PTPRR: variants seen among roughly 807,000 people sequenced by gnomAD.
PTPRR encodes receptor-type tyrosine-protein phosphatase R.
PTPRR carries 38 observed loss-of-function variants against 77.2 expected under a neutral mutation model. That is an observed-to-expected ratio of 0.49 (90% CI 0.38 to 0.65). The LOEUF is 0.65. PTPRR is among the 30% of genes least tolerant of loss of function. The pLI is 0.00. For synonymous variants in PTPRR, 299 were observed against 283.1 expected (o/e 1.06, Z -0.57); for missense variants, 744 against 799.2 (o/e 0.93, Z 0.83).
At chr12:70,677,230 G>A (rs61930342) in intron 10 of PTPRR, among the ~76,000 whole-genome samples, 2,780 of 152,158 alleles carry the variant, frequency 0.018, 59 homozygotes, top group South Asian at 0.11. Context: ...CTCACCATTA[G>A]CATATACAAA....
At chr12:70,668,251 G>A (rs547964071) in intron 10 of PTPRR, among the ~76,000 whole-genome samples, 2 of 147,976 alleles carry the variant, frequency 1.4e-5, no homozygotes, top group South Asian at 4.4e-4. Flanking sequence ...AAGAGGAGGA[G>A]GAGGATAAGG....
chr12:70,735,538 G>T (rs1456191926), intron 6 of PTPRR, among the ~76,000 whole-genome samples: 1 of 152,124 alleles, frequency 6.6e-6, no homozygotes, highest in Non-Finnish European at 1.5e-5. Flanking sequence ...TGACATGTGG[G>T]GATTATGGGA....
At chr12:70,862,935 A>C (rs911068571) in intron 2 of PTPRR, among the ~76,000 whole-genome samples, 17 of 152,166 alleles carry the variant, frequency 1.1e-4, no homozygotes, top group Admixed American at 1.1e-3. Flanking sequence ...AATCTAAAGC[A>C]TGTCCAAGTT....
chr12:70,870,009 T>G (rs1892933226), intron 2 of PTPRR, among the ~76,000 whole-genome samples: 2 of 152,156 alleles, frequency 1.3e-5, no homozygotes, highest in Non-Finnish European at 2.9e-5. Context: ...GAGAGAAGGC[T>G]GTGGGAGGGG....
At chr12:70,752,214 T>C (rs916684586) in intron 5 of PTPRR, among the ~76,000 whole-genome samples, 3 of 152,182 alleles carry the variant, frequency 2.0e-5, no homozygotes, top group African/African-American at 4.8e-5. Context: ...CAGCAACAAA[T>C]AGACCCGCAG....
chr12:70,707,894 T>C (rs1355703), intron 6 of PTPRR, among the ~76,000 whole-genome samples: 117,736 of 151,904 alleles, frequency 0.78, 48,325 homozygotes, highest in East Asian at 1. Context: ...TGATAAAACC[T>C]GCAAGTAGCT....
At chr12:70,746,829 C>T (rs1890228479) in intron 5 of PTPRR, among the ~76,000 whole-genome samples, 1 of 151,760 alleles carries the variant, frequency 6.6e-6, no homozygotes, top group Non-Finnish European at 1.5e-5. Flanking sequence ...ACTAGAAATG[C>T]ATATTAAACA....
chr12:70,774,308 G>A (rs1038234649), intron 2 of PTPRR, among the ~76,000 whole-genome samples: 1 of 152,212 alleles, frequency 6.6e-6, no homozygotes, highest in Admixed American at 6.5e-5. Flanking sequence ...CCTCAAGGGG[G>A]TTGTGTACAC....
intron 2 of PTPRR, among the ~76,000 whole-genome samples, chr12:70,808,812 A>G (rs1891757472): frequency 6.6e-6 from 1 of 152,052 alleles, no homozygotes; most frequent in African/African-American, 2.4e-5. Flanking sequence ...TTGCCTTTCC[A>G]TTGTTTATTC....
At chr12:70,691,556 C>T (rs556911758) in intron 8 of PTPRR, among the ~76,000 whole-genome samples, 13 of 152,220 alleles carry the variant, frequency 8.5e-5, no homozygotes, top group South Asian at 2.1e-4. Context: ...CAGACCAGCC[C>T]GGTCTCCTCA....
At chr12:70,830,504 T>C (rs1417052718) in intron 2 of PTPRR, among the ~76,000 whole-genome samples, 1 of 152,258 alleles carries the variant, frequency 6.6e-6, no homozygotes, top group South Asian at 2.1e-4. Context: ...CACTACCGTT[T>C]TGTGACCAAA....
At chr12:70,762,294 T>TAC (rs147039273) in intron 3 of PTPRR, among the ~76,000 whole-genome samples, 11,914 of 149,380 alleles carry the variant, frequency 0.08, 514 homozygotes, top group African/African-American at 0.11. Flanking sequence ...TACACACACA[T>TAC]ACACACACAC....
chr12:70,735,655 G>A (rs1242413954), intron 6 of PTPRR, among the ~76,000 whole-genome samples: 5 of 152,154 alleles, frequency 3.3e-5, no homozygotes, highest in South Asian at 2.1e-4. Context: ...TGGTAGTTAC[G>A]TGCAGATTTT....
At chr12:70,700,084 T>C (rs1888364595) in intron 7 of PTPRR, among the ~76,000 whole-genome samples, 1 of 152,222 alleles carries the variant, frequency 6.6e-6, no homozygotes, top group Non-Finnish European at 1.5e-5. Flanking sequence ...TCTCATTTTC[T>C]TCACATGTAA....
Position 70,887,373 on chromosome 12 carries a change from A to ATTGCTTGAT in PTPRR, c.357+5305_357+5306insATCAAGCAA, listed in dbSNP as rs1893257875. On this transcript the variant is annotated intron_variant, in intron 2 of 13. Transcript: ENST00000283228. ...AGGCTGAGGCAGGAGAATTGCTTGA[A>ATTGCTTGAT]CCCAGGAGGCGAAGGTTGCAGTCAG... 3.3e-5 allele frequency among the ~76,000 whole-genome samples: 5 copies of ATTGCTTGAT among 152,010 alleles called. No individual in the cohort carries two copies. In the South Asian group the frequency reaches 1.0e-3, roughly 32 times the overall value.
chr12:70,656,734 A>C lies in PTPRR; in HGVS notation c.1850T>G (p.Leu617Arg). 1 of 1,613,966 alleles carries C rather than the reference A, an allele frequency of 6.2e-7. No homozygotes were observed. Among genetic ancestry groups the C allele is most frequent in the Non-Finnish European group, 8.5e-7 (1 of 1,179,874 alleles). Residue 617 changes from leucine to arginine, a missense_variant, in exon 13 of 14, where the codon CTA becomes CGA. By Grantham distance (102) the Leu-to-Arg change is moderately radical. Around this residue, in one of 3 missense-constraint regions of PTPRR, gnomAD observed 170 missense variants for 209.8 expected, o/e 0.81. Coordinates refer to ENST00000283228, the MANE Select transcript of PTPRR (RefSeq NM_002849.4). ...QLKEEGVVDALSIVCQLRMDR... is the reference protein window; with the variant it reads ...QLKEEGVVDARSIVCQLRMDR... ...CATACGAAGCTGGCAGACAATGCTTAGTGCATCCACAACTCCTTCTTCTTT... is the reference window on the plus strand; with the variant it reads ...CATACGAAGCTGGCAGACAATGCTTCGTGCATCCACAACTCCTTCTTCTTT...
chr12:70,646,917 TA>T (rs771645265), intron 13 of PTPRR, among the ~76,000 whole-genome samples: 7 of 151,986 alleles, frequency 4.6e-5, no homozygotes, highest in Non-Finnish European at 8.8e-5. Flanking sequence ...ATTGATGGCA[TA>T]TATATTCTTC....
At chr12:70,684,053 A>G in intron 10 of PTPRR, 74 bp downstream of exon 10, 1 of 1,499,626 alleles carries the variant, frequency 6.7e-7, no homozygotes, top group Non-Finnish European at 9.0e-7. Flanking sequence ...AGTCCATGGC[A>G]ATTTTACTAA....
At position 70,701,847 on chromosome 12, in the gene PTPRR, C is replaced by A. The variant is rs990360515; in HGVS notation, c.1008-524G>T. Among the ~76,000 whole-genome samples, 11 of 151,948 alleles carry A rather than the reference C, an allele frequency of 7.2e-5. 1 individual carries two copies. The highest frequency in any genetic ancestry group is 2.2e-4 in the African/African-American group (9 of 41,364). ...AAGTAGCTGGATGTGGTGACCCACACTTGTAGTCTCAGCTACTAGGGAGGC... is the reference window on the plus strand; with the variant it reads ...AAGTAGCTGGATGTGGTGACCCACAATTGTAGTCTCAGCTACTAGGGAGGC... On this transcript the variant is annotated intron_variant, in intron 6 of 13. Transcript: ENST00000283228.
Sources: gnomAD v4.1 joint callset for allele counts (sites outside exome capture counted in the v4.1 genomes callset) on GRCh38, gnomAD v4.1.1 for gene constraint, gnomAD v4.1.1 regional missense constraint, MANE v1.5 for transcripts, NCBI Gene and HGNC (gene_info 2026-07-23, HGNC 2026-07-21) for gene names.